The following CACHD1 variants were observed in gnomAD, a reference collection of about 807,000 sequenced individuals.
The protein encoded by CACHD1 is VWFA and cache domain-containing protein 1.
In CACHD1, 71 loss-of-function variants were observed where a neutral mutation model predicts 138.7. The observed-to-expected ratio is 0.51, with a 90% confidence interval of 0.42 to 0.62. The LOEUF is 0.62. Ranked by LOEUF, CACHD1 falls within the 20% of genes least tolerant of loss-of-function variation. The pLI is 0.00. For synonymous variants in CACHD1, 578 were observed against 591.5 expected, an observed-to-expected ratio of 0.98 and a Z score of 0.33; for missense variants, 1,389 against 1,625.3, an observed-to-expected ratio of 0.85 and a Z score of 2.50.
At chr1:64,625,963 G>T (rs573665262) in intron 4 of CACHD1, among the ~76,000 whole-genome samples, 1 of 152,158 alleles carries the variant, frequency 6.6e-6, no homozygotes, top group Non-Finnish European at 1.5e-5. Context: ...CGAGATGTTT[G>T]CTAGAGTCGA....
intron 1 of CACHD1, among the ~76,000 whole-genome samples, chr1:64,495,972 A>T (rs1172923964): frequency 6.6e-6 from 1 of 152,120 alleles, no homozygotes; most frequent in Non-Finnish European, 1.5e-5. Flanking sequence ...TTTTCGTTTT[A>T]TTATAATATA....
At chr1:64,539,372 A>T (rs911719263) in intron 1 of CACHD1, among the ~76,000 whole-genome samples, 1 of 152,310 alleles carries the variant, frequency 6.6e-6, no homozygotes, top group African/African-American at 2.4e-5. Context: ...TGCCTACCAC[A>T]TGCATAAAAG....
chr1:64,531,495 T>TTGTGTGTGTGTGTG (rs68180558), intron 1 of CACHD1, among the ~76,000 whole-genome samples: 1 of 146,780 alleles, frequency 6.8e-6, no homozygotes, highest in Admixed American at 6.8e-5. Flanking sequence ...ATGAATGTGG[T>TTGTGTGTGTGTGTG]TGTGTGTGTG....
chr1:64,676,386 G>A (rs1229914416), intron 21 of CACHD1, among the ~76,000 whole-genome samples: 3 of 152,144 alleles, frequency 2.0e-5, no homozygotes, highest in African/African-American at 7.2e-5. Context: ...ATTTATATCA[G>A]TGACAGATTT....
At chr1:64,674,395 T>A (rs564091478) in intron 19 of CACHD1, among the ~76,000 whole-genome samples, 1 of 152,296 alleles carries the variant, frequency 6.6e-6, no homozygotes, top group East Asian at 1.9e-4. Context: ...CTGTGTATCT[T>A]CTATTATTTA....
intron 16 of CACHD1, among the ~76,000 whole-genome samples, chr1:64,670,200 C>T (rs1649769474): frequency 6.6e-6 from 1 of 152,170 alleles, no homozygotes; most frequent in South Asian, 2.1e-4. Context: ...CTACTTGAGA[C>T]TGGGGCAGGA....
chr1:64,691,454 C>T lies in CACHD1; in HGVS notation c.3718C>T (p.Leu1240=). 1.9e-6 allele frequency: 3 copies of T among 1,614,104 alleles called. No homozygotes were observed. The highest frequency in any genetic ancestry group is 2.5e-6 in the Non-Finnish European group (3 of 1,180,014). Residue 1240 remains leucine (L), a synonymous_variant, in exon 27 of 27, where the codon CTA becomes TTA. Coordinates refer to ENST00000651257, the MANE Select transcript of CACHD1 (RefSeq NM_020925.4). ...DLDTPPQTAA[L]LSHKFHHYRS... ...GGATACCCCCCCTCAGACTGCTGCC[C>T]TACTAAGTCACAAGTTCCACCACTA...
At chr1:64,681,895 T>C (rs1650203498) in intron 25 of CACHD1, 110 bp from the exon 26 acceptor site, 8 of 931,284 alleles carry the variant, frequency 8.6e-6, no homozygotes, top group African/African-American at 3.3e-5. Flanking sequence ...ATTCTGGCTT[T>C]CCAAAGAGAA....
intron 1 of CACHD1, among the ~76,000 whole-genome samples, chr1:64,504,408 A>G (rs1174306387): frequency 6.6e-6 from 1 of 152,212 alleles, no homozygotes; most frequent in Non-Finnish European, 1.5e-5. Context: ...ACTTAATGGT[A>G]TGCATTAGAA....
chr1:64,687,279 A>G (rs1333861927), intron 26 of CACHD1, among the ~76,000 whole-genome samples: 2 of 152,170 alleles, frequency 1.3e-5, no homozygotes, highest in Admixed American at 6.5e-5. Flanking sequence ...TGAGTAAACA[A>G]TTAATTTGTT....
At chr1:64,490,803 A>T (rs908718239) in intron 1 of CACHD1, among the ~76,000 whole-genome samples, 1 of 152,250 alleles carries the variant, frequency 6.6e-6, no homozygotes, top group Non-Finnish European at 1.5e-5. Flanking sequence ...AAGAATTTAT[A>T]TAAAAGTACT....
intron 26 of CACHD1, among the ~76,000 whole-genome samples, chr1:64,684,262 A>G (rs1650283154): frequency 6.6e-6 from 1 of 151,580 alleles, no homozygotes; most frequent in South Asian, 2.1e-4. Flanking sequence ...ATCATTCCTT[A>G]CATATCAAGG....
chr1:64,620,518 T>G (rs754741907), intron 4 of CACHD1, among the ~76,000 whole-genome samples: 10 of 152,222 alleles, frequency 6.6e-5, no homozygotes, highest in Non-Finnish European at 1.5e-4. Context: ...TGATCTCTAA[T>G]TCAATCATAA....
intron 1 of CACHD1, among the ~76,000 whole-genome samples, chr1:64,505,753 C>T (rs1646369479): frequency 7.1e-6 from 1 of 141,674 alleles, no homozygotes; most frequent in Non-Finnish European, 1.5e-5. Context: ...CCCCGCCTTC[C>T]GGGCGCCCTC....
intron 1 of CACHD1, among the ~76,000 whole-genome samples, chr1:64,503,150 A>T (rs1410035333): frequency 6.6e-6 from 1 of 152,130 alleles, no homozygotes; most frequent in African/African-American, 2.4e-5. Context: ...AAGATGAAAG[A>T]CCAAAGCCGG....
chr1:64,604,362 A>T (rs1359648300), intron 4 of CACHD1, among the ~76,000 whole-genome samples: 1 of 152,212 alleles, frequency 6.6e-6, no homozygotes, highest in East Asian at 1.9e-4. Context: ...AATGGTTTTC[A>T]TTACAAAAAT....
chr1:64,586,583 G>A (rs1372227794), intron 3 of CACHD1, among the ~76,000 whole-genome samples: 1 of 152,034 alleles, frequency 6.6e-6, no homozygotes, highest in African/African-American at 2.4e-5. Flanking sequence ...CTTATTCTGA[G>A]CCTCAGTTTC....
At chr1:64,485,068 C>T (rs1287828689) in intron 1 of CACHD1, among the ~76,000 whole-genome samples, 1 of 152,194 alleles carries the variant, frequency 6.6e-6, no homozygotes, top group Non-Finnish European at 1.5e-5. Flanking sequence ...AGTGGGTGTA[C>T]CATTTTACTT....
chr1:64,577,097 A>G (rs1481529882), intron 2 of CACHD1, among the ~76,000 whole-genome samples: 1 of 151,662 alleles, frequency 6.6e-6, no homozygotes, highest in African/African-American at 2.4e-5. Context: ...ATGCACACCA[A>G]TATTCTTGGC....
Sources: gnomAD v4.1 joint callset for allele counts (sites outside exome capture counted in the v4.1 genomes callset) on GRCh38, gnomAD v4.1.1 for gene constraint, MANE v1.5 for transcripts, NCBI Gene and HGNC (gene_info 2026-07-23, HGNC 2026-07-21) for gene names.